Variants in NLGN1 observed in about 807,000 individuals in gnomAD.
NLGN1 encodes the protein neuroligin-1.
NLGN1 carries 12 observed loss-of-function variants against 65.5 expected under a neutral mutation model. The ratio of observed to expected loss-of-function variants is 0.18; its 90% CI spans 0.12 to 0.30. The LOEUF (loss-of-function observed/expected upper bound fraction) is 0.30, where lower values mean the gene tolerates loss of function less well. Among genes scored for constraint, NLGN1 ranks in the 10% least tolerant of loss-of-function variants. The pLI is 1.00. For missense variants in NLGN1, 750 were observed against 1,007.1 expected, an observed-to-expected ratio of 0.74 and a Z score of 3.46; for synonymous variants, 350 against 359.5, an observed-to-expected ratio of 0.97 and a Z score of 0.30.
intron 3 of NLGN1, among the ~76,000 whole-genome samples, chr3:173,675,887 T>TCTCTCTCTCTCTCTCTCTCTCTCACACA (rs756157881): frequency 7.2e-6 from 1 of 138,642 alleles, no homozygotes; most frequent in African/African-American, 2.8e-5. Flanking sequence ...TCTCTCTCTC[T>TCTCTCTCTCTCTCTCTCTCTCTCACACA]CACACACACA....
At chr3:174,113,205 G>A (rs1715623653) in intron 4 of NLGN1, among the ~76,000 whole-genome samples, 1 of 151,884 alleles carries the variant, frequency 6.6e-6, no homozygotes, top group African/African-American at 2.4e-5. Flanking sequence ...GCTTCTAAGA[G>A]CATTTGTCAA....
intron 4 of NLGN1, among the ~76,000 whole-genome samples, chr3:173,809,733 GA>G (rs1323327985): frequency 1.3e-5 from 2 of 152,152 alleles, no homozygotes; most frequent in African/African-American, 4.8e-5. Context: ...ACTTGACTTT[GA>G]CCTGATTTTA....
At position 173,807,604 on chromosome 3, in the gene NLGN1, G is replaced by C. The variant is rs1241621731; in HGVS notation, c.494-76G>C. The C allele has an allele frequency of 2.0e-6, 3 of 1,511,750 alleles. No individual in the cohort carries two copies. In the Admixed American group the frequency reaches 6.0e-5, roughly 30 times the overall value. The allele number at this position is 1,511,750 out of a possible 1,614,324, so 93.6% of individuals were successfully genotyped here. A position where few individuals can be genotyped will look rare whatever the true frequency, so the allele number is the denominator to read the frequency against. On this transcript the variant is annotated intron_variant, in intron 3 of 6. Transcript: ENST00000457714. ...TGAAATTATGCCCTCTTTTCACTAA[G>C]ATGGAAAATGTATTCTCTGCTTCAT...
intron 4 of NLGN1, among the ~76,000 whole-genome samples, chr3:173,813,385 G>T (rs888458783): frequency 6.6e-6 from 1 of 152,242 alleles, no homozygotes; most frequent in East Asian, 1.9e-4. Flanking sequence ...AATTTTATGC[G>T]ATTGTAATAT....
At chr3:173,738,763 A>T (rs1295774272) in intron 3 of NLGN1, among the ~76,000 whole-genome samples, 1 of 152,006 alleles carries the variant, frequency 6.6e-6, no homozygotes, top group African/African-American at 2.4e-5. Context: ...TCAGATTGTC[A>T]ATTTATGCAA....
chr3:174,241,813 C>T (rs566126639), intron 4 of NLGN1, among the ~76,000 whole-genome samples: 1 of 152,122 alleles, frequency 6.6e-6, no homozygotes, highest in Non-Finnish European at 1.5e-5. Context: ...CGCCCGCCAC[C>T]ACGCCTGGAT....
intron 4 of NLGN1, among the ~76,000 whole-genome samples, chr3:174,192,077 C>T (rs1732492128): frequency 6.6e-6 from 1 of 151,940 alleles, no homozygotes; most frequent in African/African-American, 2.4e-5. Context: ...AGCTTAAACC[C>T]CTGAAATTCC....
intron 3 of NLGN1, among the ~76,000 whole-genome samples, chr3:173,717,415 A>G (rs1770040492): frequency 6.6e-6 from 1 of 152,150 alleles, no homozygotes; most frequent in Non-Finnish European, 1.5e-5. Flanking sequence ...GGGAGTGCAT[A>G]AAAGGTTGGA....
chr3:173,649,213 AT>A (rs1758753689), intron 3 of NLGN1, among the ~76,000 whole-genome samples: 1 of 152,128 alleles, frequency 6.6e-6, no homozygotes, highest in Non-Finnish European at 1.5e-5. Context: ...CAGAAAGAAT[AT>A]GAGTGGTTGC....
rs547021002 is a variant in NLGN1 at position 173,448,806 on chromosome 3, G to A, written c.-321+13728G>A. Among the ~76,000 whole-genome samples, 890 of 152,010 alleles carry A rather than the reference G, an allele frequency of 5.9e-3. 12 individuals are homozygous for A. Among genetic ancestry groups the A allele is most frequent in the African/African-American group, 0.021 (860 of 41,492 alleles). On this transcript the variant is annotated intron_variant, in intron 2 of 6. Coordinates refer to ENST00000457714, the Ensembl canonical transcript of NLGN1. ...TTAGTCTTGGGAGGGTGTATGTGTCGAGGAATTTATCCATTTCTTCTAGAT... is the reference window on the plus strand; with the variant it reads ...TTAGTCTTGGGAGGGTGTATGTGTCAAGGAATTTATCCATTTCTTCTAGAT...
At chr3:174,018,684 G>A (rs1384931944) in intron 4 of NLGN1, among the ~76,000 whole-genome samples, 2 of 152,042 alleles carry the variant, frequency 1.3e-5, no homozygotes, top group Non-Finnish European at 2.9e-5. Flanking sequence ...ATACACAAGG[G>A]TGCTGCCTTC....
At chr3:173,690,533 A>G (rs890195133) in intron 3 of NLGN1, among the ~76,000 whole-genome samples, 1 of 152,154 alleles carries the variant, frequency 6.6e-6, no homozygotes, top group Non-Finnish European at 1.5e-5. Flanking sequence ...AATAATATAT[A>G]CTATAAATAT....
At chr3:174,200,893 T>A (rs1360521912) in intron 4 of NLGN1, among the ~76,000 whole-genome samples, 2 of 152,144 alleles carry the variant, frequency 1.3e-5, no homozygotes, top group Admixed American at 1.3e-4. Context: ...TCTCTGATCC[T>A]AGAGCAGTAG....
chr3:173,899,487 C>T (rs967337464), intron 4 of NLGN1, among the ~76,000 whole-genome samples: 1 of 152,076 alleles, frequency 6.6e-6, no homozygotes, highest in Non-Finnish European at 1.5e-5. Context: ...TAAACAAGGG[C>T]TTGGCAAACT....
intron 2 of NLGN1, among the ~76,000 whole-genome samples, chr3:173,493,984 C>G (rs2149025900): frequency 6.6e-6 from 1 of 151,850 alleles, no homozygotes; most frequent in South Asian, 2.1e-4. Context: ...TTTTGCCTTA[C>G]CAAAAATGGT....
At chr3:174,198,844 CTTTT>C (rs56752477) in intron 4 of NLGN1, among the ~76,000 whole-genome samples, 21,616 of 99,168 alleles carry the variant, frequency 0.22, 1,120 homozygotes, top group Middle Eastern at 0.36. Context: ...TGACTAGATT[CTTTT>C]TTTTTTTTTT....
intron 4 of NLGN1, among the ~76,000 whole-genome samples, chr3:173,823,919 T>TA (rs5854540): frequency 0.031 from 4,607 of 148,460 alleles, 181 homozygotes; most frequent in East Asian, 0.18. Context: ...CTTGTTAATT[T>TA]AAAAAAAAAA....
intron 2 of NLGN1, among the ~76,000 whole-genome samples, chr3:173,494,325 T>C (rs1380793869): frequency 6.6e-6 from 1 of 151,784 alleles, no homozygotes; most frequent in Non-Finnish European, 1.5e-5. Flanking sequence ...GGCATTTGTG[T>C]ATCTTCTTTA....
At chr3:173,659,524 G>A (rs1760601750) in intron 3 of NLGN1, among the ~76,000 whole-genome samples, 1 of 151,816 alleles carries the variant, frequency 6.6e-6, no homozygotes, top group African/African-American at 2.4e-5. Flanking sequence ...AAGTAAGTAT[G>A]ACCAGAGTCA....
Sources: allele counts gnomAD v4.1 joint callset (sites outside exome capture counted in the v4.1 genomes callset), GRCh38; gene constraint gnomAD v4.1.1; transcripts MANE v1.5; gene names NCBI Gene and HGNC (gene_info 2026-07-23, HGNC 2026-07-21).